MAPK10: variants seen among roughly 807,000 people sequenced by gnomAD.
The protein encoded by MAPK10 is JNK3 alpha protein kinase.
A neutral mutation model predicts 59.3 loss-of-function variants in MAPK10; 25 were observed. The observed-to-expected ratio is 0.42, with a 90% CI of 0.31 to 0.59. The LOEUF (loss-of-function observed/expected upper bound fraction) is 0.59, where lower values mean the gene tolerates loss of function less well. MAPK10 is among the 20% of genes least tolerant of loss of function. The pLI is 0.15. For synonymous variants in MAPK10, 190 were observed against 200.5 expected (o/e 0.95, Z 0.44); for missense variants, 351 against 568.9 (o/e 0.62, Z 3.90).
At chr4:86,113,493 T>C (rs1561862122) in intron 4 of MAPK10, among the ~76,000 whole-genome samples, 2 of 152,192 alleles carry the variant, frequency 1.3e-5, no homozygotes, top group East Asian at 1.9e-4. Flanking sequence ...TGGCCAGATA[T>C]GAAATTCTGG....
chr4:86,275,091 T>C lies in MAPK10; in HGVS notation c.-7+79439A>G, dbSNP rs2094535285. On this transcript the variant is annotated intron_variant, in intron 2 of 13. Coordinates refer to ENST00000641462, the MANE Select transcript of MAPK10 (RefSeq NM_138982.4). ...TGATTAAAATAAAGAAAATTAAACCTGTGACAATGACTTTGTGCAGTCATT... is the reference window on the plus strand; with the variant it reads ...TGATTAAAATAAAGAAAATTAAACCCGTGACAATGACTTTGTGCAGTCATT... Among the ~76,000 whole-genome samples the C allele has an allele frequency of 2.6e-5, 4 of 152,022 alleles. No homozygotes were observed. In the South Asian group the frequency reaches 6.2e-4, roughly 24 times the overall value.
Position 86,064,397 on chromosome 4 carries a change from C to A in MAPK10, c.986-7G>T, listed in dbSNP as rs2046325673. 1.2e-6 allele frequency: 2 copies of A among 1,610,680 alleles called. No individual in the cohort carries two copies. The highest frequency in any genetic ancestry group is 1.7e-6 in the Non-Finnish European group (2 of 1,179,122). On this transcript the variant is annotated splice_polypyrimidine_tract_variant and splice_region_variant and intron_variant, in intron 10 of 13. Coordinates refer to ENST00000641462, the MANE Select transcript of MAPK10 (RefSeq NM_138982.4). ...AAGTCCCTGGCTTGGCTGGCTGAAA[C>A]AATAAATGAGAAAAACAATTAGTAA...
chr4:86,441,303 C>G (rs531169972), intron 1 of MAPK10, among the ~76,000 whole-genome samples: 2 of 152,300 alleles, frequency 1.3e-5, no homozygotes, highest in African/African-American at 2.4e-5. Context: ...TGTTCTGATT[C>G]ATCCCAAAGC....
intron 10 of MAPK10, chr4:86,065,281 AATTTT>A (rs1189012653): frequency 8.5e-5 from 13 of 152,194 alleles, no homozygotes; most frequent in African/African-American, 2.9e-4. Context: ...TCAACTACTG[AATTTT>A]ATTTTAACAT....
rs34455560 is a variant in MAPK10, at chr4:86,334,757, CAAA to C, written c.-7+19770_-7+19772del. 5.9e-3 allele frequency among the ~76,000 whole-genome samples: 894 copies of C among 150,680 alleles called. 5 individuals carry two copies. Among genetic ancestry groups the C allele is most frequent in the Admixed American group, 0.011 (168 of 15,128 alleles). ...TACCCTATGCTCATTAAAAAAACAA[CAAA>C]AAAAAAAACTAACTGCAGTCTCCTG... On this transcript the variant is annotated intron_variant, in intron 2 of 13. Transcript: ENST00000641462.
intron 13 of MAPK10, chr4:86,028,274 G>T (rs1251018862): frequency 1.3e-5 from 2 of 152,138 alleles, no homozygotes; most frequent in African/African-American, 4.8e-5. Flanking sequence ...CTTCTTTGAG[G>T]AAGGGAAAAA....
intron 1 of MAPK10, among the ~76,000 whole-genome samples, chr4:86,377,848 G>A (rs992301184): frequency 8.5e-5 from 13 of 152,112 alleles, no homozygotes; most frequent in African/African-American, 2.9e-4. Flanking sequence ...TTCGAGGGCA[G>A]GAAGCATCCA....
intron 2 of MAPK10, among the ~76,000 whole-genome samples, chr4:86,243,424 CT>C (rs2092875612): frequency 6.6e-6 from 1 of 152,136 alleles, no homozygotes; most frequent in Non-Finnish European, 1.5e-5. Flanking sequence ...CCGCAAATGG[CT>C]TCAGTCTCAT....
At chr4:86,218,465 CT>C (rs2088427517) in intron 2 of MAPK10, among the ~76,000 whole-genome samples, 1 of 147,776 alleles carries the variant, frequency 6.8e-6, no homozygotes, top group African/African-American at 2.5e-5. Context: ...CTGGCCTAGG[CT>C]TATTTTTAAA....
rs1484364517 is a variant in MAPK10 at position 86,057,351 on chromosome 4, A to C, written c.1110+6915T>G. ...AAGCAGTTGATGCACATCTGGTTGA[A>C]GATTAGCAGATTCTCACTGCAGTTT... On this transcript the variant is annotated intron_variant, in intron 11 of 13. Transcript: ENST00000641462. 1.3e-5 allele frequency among the ~76,000 whole-genome samples: 2 copies of C among 150,328 alleles called. 1 individual carries two copies. The highest frequency in any genetic ancestry group is 3.0e-5 in the Non-Finnish European group (2 of 67,708).
intron 9 of MAPK10, among the ~76,000 whole-genome samples, chr4:86,068,661 T>A (rs940941265): frequency 6.6e-6 from 1 of 152,154 alleles, no homozygotes; most frequent in South Asian, 2.1e-4. Flanking sequence ...AACAACAGAT[T>A]TCTATCCAAG....
chr4:86,083,484 G>A (rs944127717), intron 9 of MAPK10, among the ~76,000 whole-genome samples: 6 of 152,120 alleles, frequency 3.9e-5, no homozygotes, highest in African/African-American at 7.2e-5. Context: ...CACGGAAGGA[G>A]CATTTAAACC....
At chr4:86,319,170 G>A (rs1056446212) in intron 2 of MAPK10, among the ~76,000 whole-genome samples, 1 of 152,138 alleles carries the variant, frequency 6.6e-6, no homozygotes, top group African/African-American at 2.4e-5. Flanking sequence ...GATAAAGGAA[G>A]AGACAAGTAA....
intron 1 of MAPK10, among the ~76,000 whole-genome samples, chr4:86,557,717 G>A (rs1760375802): frequency 6.6e-6 from 1 of 151,986 alleles, no homozygotes; most frequent in African/African-American, 2.4e-5. Flanking sequence ...AGAGTGTAGA[G>A]GTGACTGACT....
At chr4:86,516,638 G>GTTGT (rs56051065) in intron 1 of MAPK10, among the ~76,000 whole-genome samples, 45,450 of 151,538 alleles carry the variant, frequency 0.3, 6,995 homozygotes, top group Admixed American at 0.35. Flanking sequence ...TTTTGTTGTT[G>GTTGT]TTGTTTGTTT....
chr4:86,580,024 G>T (rs760233879), intron 1 of MAPK10, among the ~76,000 whole-genome samples: 55 of 152,012 alleles, frequency 3.6e-4, no homozygotes, highest in Non-Finnish European at 7.6e-4. Context: ...TGTTGCCCAG[G>T]TTGCTCTTGA....
intron 4 of MAPK10, among the ~76,000 whole-genome samples, chr4:86,142,071 T>G (rs2063757043): frequency 6.6e-6 from 1 of 152,128 alleles, no homozygotes; most frequent in South Asian, 2.1e-4. Flanking sequence ...GAGCAAAAAT[T>G]CACTCACTAC....
chr4:86,508,728 T>C (rs1025206269), intron 1 of MAPK10, among the ~76,000 whole-genome samples: 2 of 152,214 alleles, frequency 1.3e-5, no homozygotes, highest in African/African-American at 2.4e-5. Context: ...ATAGTAGGCA[T>C]GATATGGCCA....
At chr4:86,122,049 C>T (rs904794521) in intron 4 of MAPK10, among the ~76,000 whole-genome samples, 1 of 151,754 alleles carries the variant, frequency 6.6e-6, no homozygotes, top group Non-Finnish European at 1.5e-5. Context: ...TTAATACAGT[C>T]TTTTTTTTGG....
Sources: allele counts gnomAD v4.1 joint callset (sites outside exome capture counted in the v4.1 genomes callset), GRCh38; gene constraint gnomAD v4.1.1; transcripts MANE v1.5; gene names NCBI Gene and HGNC (gene_info 2026-07-23, HGNC 2026-07-21).